Variants in EYS observed in about 807,000 individuals in gnomAD.
EYS encodes the protein EGF-like photoreceptor maintenance factor.
EYS carries 250 observed loss-of-function variants against 282.1 expected under a neutral mutation model. The ratio of observed to expected loss-of-function variants is 0.89; its 90% CI spans 0.80 to 0.98. The LOEUF (loss-of-function observed/expected upper bound fraction) is 0.98, where lower values mean the gene tolerates loss of function less well. Ranked by LOEUF, EYS falls within the 50% of genes least tolerant of loss-of-function variation. EYS has a pLI of 0.00. For synonymous variants in EYS, 1,355 were observed against 1,282.9 expected (o/e 1.06, Z -1.20); for missense variants, 4,016 against 3,709.0 (o/e 1.08, Z -2.15).
chr6:65,271,128 T>TTTTATATATATATATA (rs1189830101), intron 12 of EYS, among the ~76,000 whole-genome samples: 2 of 55,788 alleles, frequency 3.6e-5, no homozygotes, highest in East Asian at 8.9e-4. Context: ...AATCAATAGA[T>TTTTATATATATATATA]TATATATATA....
intron 12 of EYS, among the ~76,000 whole-genome samples, chr6:65,164,679 T>C (rs1236005453): frequency 6.6e-6 from 1 of 151,356 alleles, no homozygotes; most frequent in Non-Finnish European, 1.5e-5. Flanking sequence ...ACTGGGTGGC[T>C]AAGCAACAGA....
At chr6:64,260,207 C>A (rs963997373) in intron 30 of EYS, among the ~76,000 whole-genome samples, 1 of 151,960 alleles carries the variant, frequency 6.6e-6, no homozygotes, top group Non-Finnish European at 1.5e-5. Flanking sequence ...GCTGGAGTTT[C>A]GCTATCTTAA....
chr6:64,910,848 G>A (rs982234674), intron 16 of EYS, among the ~76,000 whole-genome samples: 1 of 151,848 alleles, frequency 6.6e-6, no homozygotes, highest in Non-Finnish European at 1.5e-5. Flanking sequence ...AATAGCAAAA[G>A]AATTTTTAAA....
chr6:64,801,460 A>T (rs1411208555), intron 22 of EYS, among the ~76,000 whole-genome samples: 2 of 152,132 alleles, frequency 1.3e-5, no homozygotes, highest in Non-Finnish European at 2.9e-5. Context: ...TCACATCCAA[A>T]GTTACTTACA....
Position 65,330,579 on chromosome 6 carries a change from T to C in EYS, c.1766+4401A>G, listed in dbSNP as rs1470743871. On this transcript the variant is annotated intron_variant, in intron 11 of 42. Transcript: ENST00000503581. ...GCAGACCTGTTTGCAATACATCATT[T>C]ATATAATGAATTTTAATCTGCACCC... 5.1e-6 allele frequency: 5 copies of C among 974,106 alleles called. No homozygotes were observed. In the East Asian group the frequency reaches 5.7e-4, roughly 111 times the overall value. 60.3% of individuals were successfully genotyped at this position (974,106 alleles called of 1,614,324 possible).
intron 1 of EYS, among the ~76,000 whole-genome samples, chr6:65,699,836 CG>C (rs1769593848): frequency 6.6e-6 from 1 of 152,044 alleles, no homozygotes; most frequent in South Asian, 2.1e-4. Flanking sequence ...TAAAACAGGC[CG>C]GGCGCGGTGG....
chr6:64,068,670 T>A (rs999387351), intron 32 of EYS, among the ~76,000 whole-genome samples: 1 of 151,672 alleles, frequency 6.6e-6, no homozygotes, highest in African/African-American at 2.4e-5. Flanking sequence ...TATATATATA[T>A]AAAAAGAATT....
intron 5 of EYS, among the ~76,000 whole-genome samples, chr6:65,425,878 T>A (rs1217036478): frequency 6.6e-6 from 1 of 152,106 alleles, no homozygotes; most frequent in African/African-American, 2.4e-5. Context: ...GGCAGAAATT[T>A]TAGGTGTTTT....
intron 12 of EYS, among the ~76,000 whole-genome samples, chr6:65,161,161 G>T (rs1764842234): frequency 1.3e-5 from 2 of 150,826 alleles, no homozygotes; most frequent in Admixed American, 1.3e-4. Context: ...TTAACTTTCT[G>T]GTCACTTCCT....
chr6:64,966,178 C>T (rs1236253910), intron 14 of EYS, among the ~76,000 whole-genome samples: 3 of 151,864 alleles, frequency 2.0e-5, no homozygotes, highest in African/African-American at 7.3e-5. Flanking sequence ...TGAGTTGTTG[C>T]TTTATTATTT....
At chr6:63,962,508 A>G (rs1239855345) in intron 35 of EYS, among the ~76,000 whole-genome samples, 2 of 152,340 alleles carry the variant, frequency 1.3e-5, no homozygotes, top group Non-Finnish European at 2.9e-5. Context: ...CACATGAAAA[A>G]ATGCTCATCA....
chr6:63,908,262 A>G (rs1415091336), intron 35 of EYS, among the ~76,000 whole-genome samples: 1 of 151,320 alleles, frequency 6.6e-6, no homozygotes, highest in Non-Finnish European at 1.5e-5. Flanking sequence ...ACCACACGAG[A>G]TACCATCTTA....
chr6:64,157,424 A>C (rs990503811), intron 31 of EYS, among the ~76,000 whole-genome samples: 1 of 152,186 alleles, frequency 6.6e-6, no homozygotes, highest in African/African-American at 2.4e-5. Flanking sequence ...CAGCTGCAGG[A>C]ATTTGCATAA....
chr6:64,151,069 TTAAGTA>T (rs1442942290), intron 31 of EYS, among the ~76,000 whole-genome samples: 2 of 151,678 alleles, frequency 1.3e-5, no homozygotes, highest in Non-Finnish European at 2.9e-5. Flanking sequence ...ATATTTTTGT[TTAAGTA>T]TACAAATATT....
chr6:64,518,267 A>T (rs1777622549), intron 26 of EYS, among the ~76,000 whole-genome samples: 1 of 151,764 alleles, frequency 6.6e-6, no homozygotes, highest in Non-Finnish European at 1.5e-5. Context: ...AACAAAACAT[A>T]ACACCTTACC....
At chr6:65,209,598 G>C (rs1261541652) in intron 12 of EYS, among the ~76,000 whole-genome samples, 1 of 151,894 alleles carries the variant, frequency 6.6e-6, no homozygotes, top group Admixed American at 6.6e-5. Context: ...CACTGTTATA[G>C]GCACTGGAAA....
At chr6:64,503,192 C>A (rs951517034) in intron 26 of EYS, among the ~76,000 whole-genome samples, 1 of 152,140 alleles carries the variant, frequency 6.6e-6, no homozygotes. Context: ...ACAAAGTAAG[C>A]CAGTTTCTTC....
intron 26 of EYS, among the ~76,000 whole-genome samples, chr6:64,483,432 C>T: frequency 6.6e-6 from 1 of 151,684 alleles, no homozygotes; most frequent in South Asian, 2.1e-4. Flanking sequence ...TGGCTTCTTT[C>T]ATGTGAAAGG....
chr6:63,836,971 T>C (rs533558882), intron 36 of EYS, among the ~76,000 whole-genome samples: 22 of 151,996 alleles, frequency 1.4e-4, no homozygotes, highest in Non-Finnish European at 2.8e-4. Context: ...GAAAAGAATA[T>C]TTTTTCTCCT....
Sources: allele counts gnomAD v4.1 joint callset (sites outside exome capture counted in the v4.1 genomes callset), GRCh38; gene constraint gnomAD v4.1.1; transcripts MANE v1.5; gene names NCBI Gene and HGNC (gene_info 2026-07-23, HGNC 2026-07-21).